The following SMYD3 variants were observed in gnomAD, a reference collection of about 807,000 sequenced individuals.
SMYD3 encodes SET and MYND domain containing 3, also known as histone-lysine N-methyltransferase SMYD3.
SMYD3 carries 36 observed loss-of-function variants against 57.7 expected under a neutral mutation model. The observed-to-expected ratio is 0.62, with a 90% CI of 0.48 to 0.82. The LOEUF is 0.82. Ranked by LOEUF, SMYD3 falls within the 40% of genes least tolerant of loss-of-function variation. The pLI is 0.00. For synonymous variants in SMYD3, 211 were observed against 195.0 expected (o/e 1.08, Z -0.68); for missense variants, 515 against 538.8 (o/e 0.96, Z 0.44).
intron 8 of SMYD3, among the ~76,000 whole-genome samples, chr1:245,866,125 T>G (rs546017731): frequency 6.6e-6 from 1 of 152,270 alleles, no homozygotes; most frequent in East Asian, 1.9e-4. Flanking sequence ...TCTGTGTTTT[T>G]GGGAAGAAGA....
intron 1 of SMYD3, among the ~76,000 whole-genome samples, chr1:246,463,917 T>C (rs984531092): frequency 6.7e-6 from 1 of 149,796 alleles, no homozygotes; most frequent in Non-Finnish European, 1.5e-5. Context: ...ATAACAATTA[T>C]ATAAGTAATT....
At chr1:246,442,698 A>G (rs1051989093) in intron 1 of SMYD3, among the ~76,000 whole-genome samples, 1 of 152,224 alleles carries the variant, frequency 6.6e-6, no homozygotes, top group African/African-American at 2.4e-5. Flanking sequence ...GTTTAAAAAT[A>G]TATATATATT....
chr1:245,778,142 GC>G (rs2046679973), intron 10 of SMYD3, among the ~76,000 whole-genome samples: 2 of 152,118 alleles, frequency 1.3e-5, no homozygotes, highest in Non-Finnish European at 2.9e-5. Context: ...AAAAATCCAA[GC>G]TTGATATTTG....
chr1:245,999,485 G>A (rs567270059), intron 5 of SMYD3, among the ~76,000 whole-genome samples: 1 of 152,208 alleles, frequency 6.6e-6, no homozygotes, highest in East Asian at 1.9e-4. Context: ...CAAGATCACA[G>A]AGCAAGACAT....
At chr1:246,079,613 T>C (rs990399702) in intron 5 of SMYD3, among the ~76,000 whole-genome samples, 1 of 152,212 alleles carries the variant, frequency 6.6e-6, no homozygotes, top group African/African-American at 2.4e-5. Flanking sequence ...CCCCCGACTG[T>C]CTGTCACTCA....
chr1:246,199,944 AGAG>A (rs2062884562), intron 5 of SMYD3, among the ~76,000 whole-genome samples: 1 of 152,246 alleles, frequency 6.6e-6, no homozygotes, highest in South Asian at 2.1e-4. Flanking sequence ...CCACTGTAAT[AGAG>A]AAGATAGAGG....
intron 5 of SMYD3, among the ~76,000 whole-genome samples, chr1:246,162,055 C>T (rs1378479006): frequency 1.3e-5 from 2 of 152,226 alleles, no homozygotes; most frequent in African/African-American, 4.8e-5. Flanking sequence ...AGCGTGTGGA[C>T]GTGTACCTGG....
chr1:246,315,491 A>G (rs1463100557), intron 5 of SMYD3, among the ~76,000 whole-genome samples: 1 of 152,134 alleles, frequency 6.6e-6, no homozygotes, highest in Non-Finnish European at 1.5e-5. Flanking sequence ...CAAACTCACA[A>G]ATTCAAAGAG....
At chr1:246,009,130 C>T (rs958841177) in intron 5 of SMYD3, among the ~76,000 whole-genome samples, 6 of 152,118 alleles carry the variant, frequency 3.9e-5, no homozygotes, top group African/African-American at 7.2e-5. Context: ...CAGCAAAAAT[C>T]GACAGGTGTG....
intron 7 of SMYD3, among the ~76,000 whole-genome samples, chr1:245,918,257 A>T (rs968452030): frequency 6.6e-6 from 1 of 152,208 alleles, no homozygotes; most frequent in Non-Finnish European, 1.5e-5. Context: ...GCAGCATAGC[A>T]CAGTAAAAAC....
At position 246,395,770 on chromosome 1, in the gene SMYD3, G is replaced by C. The variant is rs374367047; in HGVS notation, c.165-40676C>G. Reference sequence around the variant, plus strand: ...ACCCACCACAGTCAGACAGGGAAGAGGAACCCACCATGGTCAGACAGGGAA... The same window carrying C: ...ACCCACCACAGTCAGACAGGGAAGACGAACCCACCATGGTCAGACAGGGAA... On this transcript the variant is annotated intron_variant, in intron 1 of 11. Transcript: ENST00000490107. 1.1e-3 allele frequency among the ~76,000 whole-genome samples: 153 copies of C among 145,334 alleles called. 16 individuals are homozygous for C. The South Asian group carries it at 0.012, about 11-fold the overall frequency.
chr1:246,496,598 C>A (rs550523619), intron 1 of SMYD3, among the ~76,000 whole-genome samples: 1 of 152,230 alleles, frequency 6.6e-6, no homozygotes, highest in Non-Finnish European at 1.5e-5. Flanking sequence ...GAGGCCGATG[C>A]AGGTGAATTG....
chr1:246,392,031 G>A (rs968500336), intron 1 of SMYD3, among the ~76,000 whole-genome samples: 5 of 152,172 alleles, frequency 3.3e-5, no homozygotes, highest in South Asian at 2.1e-4. Flanking sequence ...ATACTTCACC[G>A]AAGCTTGCAA....
intron 5 of SMYD3, among the ~76,000 whole-genome samples, chr1:245,956,608 C>G (rs2057851644): frequency 6.6e-6 from 1 of 152,168 alleles, no homozygotes; most frequent in Non-Finnish European, 1.5e-5. Flanking sequence ...TCTCTGTCTC[C>G]CCAGCCTCAG....
chr1:246,034,535 G>A (rs2059734749), intron 5 of SMYD3: 1 of 152,222 alleles, frequency 6.6e-6, no homozygotes, highest in Non-Finnish European at 1.5e-5. Flanking sequence ...GTGCTCAAGA[G>A]TTCACAGCTA....
chr1:245,758,338 TATAGAG>T (rs2045697318), intron 11 of SMYD3, among the ~76,000 whole-genome samples: 1 of 152,182 alleles, frequency 6.6e-6, no homozygotes, highest in East Asian at 1.9e-4. Context: ...GTCATCTGTA[TATAGAG>T]ATAATTTTAT....
chr1:246,057,581 A>G (rs2060174790), intron 5 of SMYD3, among the ~76,000 whole-genome samples: 2 of 152,246 alleles, frequency 1.3e-5, no homozygotes, highest in South Asian at 4.1e-4. Flanking sequence ...AGAATGGCCA[A>G]ATCCGGAACA....
At chr1:245,977,620 A>G (rs2058482915) in intron 5 of SMYD3, among the ~76,000 whole-genome samples, 1 of 152,210 alleles carries the variant, frequency 6.6e-6, no homozygotes, top group African/African-American at 2.4e-5. Flanking sequence ...TGGAGGTTGC[A>G]GTGAGCCGAG....
intron 11 of SMYD3, among the ~76,000 whole-genome samples, chr1:245,756,179 G>GTA (rs1558303992): frequency 6.7e-6 from 1 of 148,956 alleles, no homozygotes; most frequent in African/African-American, 2.5e-5. Flanking sequence ...TATTATATAT[G>GTA]TATATATACA....
Sources: allele counts gnomAD v4.1 joint callset (sites outside exome capture counted in the v4.1 genomes callset), GRCh38; gene constraint gnomAD v4.1.1; transcripts MANE v1.5; gene names NCBI Gene and HGNC (gene_info 2026-07-23, HGNC 2026-07-21).